GRIK1: variants seen among roughly 807,000 people sequenced by gnomAD.
GRIK1 encodes the protein glutamate receptor ionotropic, kainate 1.
GRIK1 carries 69 observed loss-of-function variants against 105.7 expected under a neutral mutation model. The observed-to-expected ratio is 0.65, with a 90% CI of 0.54 to 0.80. GRIK1 has a LOEUF of 0.80. Among genes scored for constraint, GRIK1 ranks in the 30% least tolerant of loss-of-function variants. The probability of loss-of-function intolerance (pLI) is 0.00; values close to 1 mark genes in which losing one functional copy is unlikely to be tolerated. For synonymous variants in GRIK1, 438 were observed against 431.3 expected (o/e 1.02, Z -0.19); for missense variants, 1,109 against 1,167.3 (o/e 0.95, Z 0.73).
At chr21:29,701,305 A>G (rs1406256585) in intron 1 of GRIK1, among the ~76,000 whole-genome samples, 1 of 152,198 alleles carries the variant, frequency 6.6e-6, no homozygotes, top group Non-Finnish European at 1.5e-5. Context: ...GAGGTGAGAA[A>G]AGTGCTTACT....
intron 7 of GRIK1, among the ~76,000 whole-genome samples, chr21:29,618,308 G>A (rs1042304013): frequency 2.0e-5 from 3 of 152,172 alleles, no homozygotes; most frequent in South Asian, 2.1e-4. Flanking sequence ...ACCACAATGC[G>A]ATACCACCTT....
intron 1 of GRIK1, among the ~76,000 whole-genome samples, chr21:29,735,685 T>G (rs1243342795): frequency 6.6e-6 from 1 of 151,592 alleles, no homozygotes; most frequent in African/African-American, 2.4e-5. Context: ...TCACCTAAGG[T>G]CAAGAGTTTG....
intron 1 of GRIK1, among the ~76,000 whole-genome samples, chr21:29,848,779 A>ATATATATATATATATATATATATATTT: frequency 1.4e-4 from 11 of 77,860 alleles, no homozygotes; most frequent in African/African-American, 5.8e-4. Context: ...ATATATATAT[A>ATATATATATATATATATATATATATTT]TTTTTTTTTT....
chr21:29,933,371 A>T lies in GRIK1; in HGVS notation c.118+6012T>A, dbSNP rs574730131. 7.9e-5 allele frequency among the ~76,000 whole-genome samples: 12 copies of T among 152,286 alleles called. No homozygotes were observed. The South Asian group carries it at 2.5e-3, about 32-fold the overall frequency. ...ATGTTGCCTCAAGTGTGCTCTGGGG[A>T]GCATGAGTTGAGTGGGACATTAATA... On this transcript the variant is annotated intron_variant, in intron 1 of 17. Coordinates refer to ENST00000327783, the MANE Select transcript of GRIK1 (RefSeq NM_001330994.2).
chr21:29,652,723 A>G (rs965611909), intron 5 of GRIK1, among the ~76,000 whole-genome samples: 20 of 152,382 alleles, frequency 1.3e-4, no homozygotes, highest in African/African-American at 4.8e-4. Context: ...AACTTTCAAG[A>G]TAACATTTAA....
At chr21:29,586,669 A>G (rs779448557) in intron 12 of GRIK1, among the ~76,000 whole-genome samples, 1 of 152,248 alleles carries the variant, frequency 6.6e-6, no homozygotes, top group Non-Finnish European at 1.5e-5. Flanking sequence ...AGAATATATG[A>G]TCTATTGAAA....
intron 1 of GRIK1, among the ~76,000 whole-genome samples, chr21:29,807,878 A>G (rs1348552320): frequency 6.6e-6 from 1 of 152,108 alleles, no homozygotes; most frequent in Non-Finnish European, 1.5e-5. Context: ...TGTCTGTGGA[A>G]GTCAGCTTTC....
intron 3 of GRIK1, among the ~76,000 whole-genome samples, chr21:29,676,088 C>T (rs2063261218): frequency 6.6e-6 from 1 of 152,138 alleles, no homozygotes; most frequent in Non-Finnish European, 1.5e-5. Flanking sequence ...ACAGTTGTTT[C>T]ATAAAAGAAG....
At chr21:29,795,017 C>T (rs2066517660) in intron 1 of GRIK1, among the ~76,000 whole-genome samples, 1 of 134,768 alleles carries the variant, frequency 7.4e-6, no homozygotes, top group Non-Finnish European at 1.6e-5. Flanking sequence ...CTTCCTGATG[C>T]TTTGCTCTAA....
At chr21:29,700,845 A>AGACAATGT (rs978399411) in intron 1 of GRIK1, among the ~76,000 whole-genome samples, 4 of 152,192 alleles carry the variant, frequency 2.6e-5, no homozygotes, top group Non-Finnish European at 5.9e-5. Context: ...AAGGAATTTC[A>AGACAATGT]GACAATGTTT....
intron 6 of GRIK1, 22 bp from the exon 7 acceptor site, chr21:29,642,991 G>A (rs751240483): frequency 1.1e-5 from 18 of 1,605,960 alleles, no homozygotes; most frequent in Non-Finnish European, 1.4e-5. Flanking sequence ...AACACACACC[G>A]CATCTTAAAT....
intron 1 of GRIK1, among the ~76,000 whole-genome samples, chr21:29,746,554 T>C (rs530756490): frequency 6.6e-6 from 1 of 152,230 alleles, no homozygotes; most frequent in East Asian, 1.9e-4. Flanking sequence ...TGTATTGATA[T>C]CATTCCGGCT....
At chr21:29,665,066 G>A (rs1273006775) in intron 4 of GRIK1, among the ~76,000 whole-genome samples, 1 of 152,136 alleles carries the variant, frequency 6.6e-6, no homozygotes, top group Non-Finnish European at 1.5e-5. Flanking sequence ...ATATAACCGG[G>A]ATTAAGCATT....
At chr21:29,874,827 G>C (rs1249618059) in intron 1 of GRIK1, among the ~76,000 whole-genome samples, 1 of 152,022 alleles carries the variant, frequency 6.6e-6, no homozygotes, top group Non-Finnish European at 1.5e-5. Context: ...ATTATCCGTG[G>C]GTCATCTGGG....
chr21:29,872,304 C>T (rs1003338403), intron 1 of GRIK1, among the ~76,000 whole-genome samples: 8 of 151,334 alleles, frequency 5.3e-5, no homozygotes, highest in Non-Finnish European at 8.8e-5. Context: ...CGCCATTCTC[C>T]TGCCTCAGCC....
intron 1 of GRIK1, among the ~76,000 whole-genome samples, chr21:29,829,645 A>G (rs1030436503): frequency 2.0e-5 from 3 of 152,192 alleles, no homozygotes; most frequent in African/African-American, 7.2e-5. Flanking sequence ...CAATGAGCTG[A>G]TGCAGATGAA....
intron 1 of GRIK1, among the ~76,000 whole-genome samples, chr21:29,709,246 G>C (rs1415302440): frequency 6.7e-6 from 1 of 149,558 alleles, no homozygotes; most frequent in Non-Finnish European, 1.5e-5. Flanking sequence ...GTAAATAAAT[G>C]ACACTTTCTA....
intron 1 of GRIK1, among the ~76,000 whole-genome samples, chr21:29,919,389 T>A (rs981588824): frequency 1.3e-5 from 2 of 152,092 alleles, no homozygotes; most frequent in Admixed American, 1.3e-4. Context: ...TTTGAGTGAT[T>A]TCAGATTAGT....
intron 1 of GRIK1, among the ~76,000 whole-genome samples, chr21:29,891,459 A>G (rs2069896183): frequency 6.6e-6 from 1 of 152,214 alleles, no homozygotes; most frequent in Admixed American, 6.5e-5. Context: ...TGTGGCGTGC[A>G]TAATGCATTC....
Sources: allele counts gnomAD v4.1 joint callset (sites outside exome capture counted in the v4.1 genomes callset), GRCh38; gene constraint gnomAD v4.1.1; transcripts MANE v1.5; gene names NCBI Gene and HGNC (gene_info 2026-07-23, HGNC 2026-07-21).